FAIM2: variants seen among roughly 807,000 people sequenced by gnomAD.
FAIM2 encodes the protein protein lifeguard 2.
In FAIM2, 27 loss-of-function variants were observed where a neutral mutation model predicts 47.4. The observed-to-expected ratio is 0.57, with a 90% confidence interval of 0.42 to 0.78. The LOEUF (loss-of-function observed/expected upper bound fraction) is 0.78, where lower values mean the gene tolerates loss of function less well. Among genes scored for constraint, FAIM2 ranks in the 30% least tolerant of loss-of-function variants. The pLI is 0.00. For synonymous variants in FAIM2, 156 were observed against 159.3 expected (o/e 0.98, Z 0.16); for missense variants, 311 against 389.4 (o/e 0.80, Z 1.69).
rs944039930 is a variant in FAIM2 at position 49,868,260 on chromosome 12, G to C, written c.*2244C>G. On this transcript the variant is annotated 3_prime_UTR_variant, in exon 12 of 12. Transcript: ENST00000320634. ...AGGAGGTGGAGGAGGGTGGGAACCG[G>C]GTGAGAAAGTCAGTGGAGAGAAATG... 2 of 152,352 alleles carry C rather than the reference G, an allele frequency of 1.3e-5. No homozygotes were observed. Among genetic ancestry groups the C allele is most frequent in the African/African-American group, 4.8e-5 (2 of 41,430 alleles). The allele number at this position is 152,352 out of a possible 1,614,324, so 9.4% of individuals were successfully genotyped here. A position where few individuals can be genotyped will look rare whatever the true frequency, so the allele number is the denominator to read the frequency against.
chr12:49,880,617 T>C (rs1026468743), intron 11 of FAIM2, among the ~76,000 whole-genome samples: 13 of 80,990 alleles, frequency 1.6e-4, no homozygotes, highest in Admixed American at 4.1e-4. Flanking sequence ...CATGTGAGTG[T>C]ATGTGCATGT....
At chr12:49,890,445 C>T (rs747656795) in intron 7 of FAIM2, among the ~76,000 whole-genome samples, 1 of 152,150 alleles carries the variant, frequency 6.6e-6, no homozygotes, top group Non-Finnish European at 1.5e-5. Context: ...CAAGCAAACC[C>T]CTTAAAAAAT....
rs189354836 is a variant in FAIM2 at position 49,871,941 on chromosome 12, C to T, written c.802-1288G>A. ...TCGGCCTCTCAAAGTGCTGGGGTTACAGGCATGAGCCACCAGGCCCAGCCC... is the reference window on the plus strand; with the variant it reads ...TCGGCCTCTCAAAGTGCTGGGGTTATAGGCATGAGCCACCAGGCCCAGCCC... On this transcript the variant is annotated intron_variant, in intron 11 of 11. Coordinates refer to ENST00000320634, the MANE Select transcript of FAIM2 (RefSeq NM_012306.4). 5.9e-3 allele frequency among the ~76,000 whole-genome samples: 893 copies of T among 152,296 alleles called. 8 individuals are homozygous for T. Among genetic ancestry groups the T allele is most frequent in the Non-Finnish European group, 8.7e-3 (594 of 68,018 alleles).
Position 49,878,340 on chromosome 12 carries a change from GTGTA to G in FAIM2, c.802-7691_802-7688del, listed in dbSNP as rs1463721009. ...TATATGTGTATTTGTGTGCATGTGA[GTGTA>G]TGTGTGTGCATGTGTGTATATGTGG... On this transcript the variant is annotated intron_variant, in intron 11 of 11. Transcript: ENST00000320634. 3.8e-5 allele frequency among the ~76,000 whole-genome samples: 5 copies of G among 132,656 alleles called. 2 individuals carry two copies. The highest frequency in any genetic ancestry group is 7.9e-5 in the Non-Finnish European group (5 of 63,166). The allele number at this position is 132,656 out of a possible 152,430, so 87.0% of individuals were successfully genotyped here.
chr12:49,881,785 C>A (rs1946827533), intron 11 of FAIM2, among the ~76,000 whole-genome samples: 1 of 152,128 alleles, frequency 6.6e-6, no homozygotes, highest in Non-Finnish European at 1.5e-5. Flanking sequence ...GGGGTAAGAC[C>A]AAAAACCCAA....
At chr12:49,882,551 ATTG>A (rs1180470230) in intron 11 of FAIM2, among the ~76,000 whole-genome samples, 1 of 152,080 alleles carries the variant, frequency 6.6e-6, no homozygotes, top group Non-Finnish European at 1.5e-5. Context: ...CATGCTCTCC[ATTG>A]TTGTTTCTAT....
At chr12:49,899,696 A>G (rs1472826568) in intron 2 of FAIM2, among the ~76,000 whole-genome samples, 1 of 152,184 alleles carries the variant, frequency 6.6e-6, no homozygotes, top group Non-Finnish European at 1.5e-5. Flanking sequence ...GGGTTAGGTA[A>G]GGTGCTGAGG....
chr12:49,877,644 C>T (rs571038501), intron 11 of FAIM2, among the ~76,000 whole-genome samples: 1 of 11,160 alleles, frequency 9.0e-5, no homozygotes, highest in South Asian at 2.8e-3. Context: ...TTGGGGTAGA[C>T]GGCAGTATTT....
rs1400663479 is a variant in FAIM2, at chr12:49,903,821, G to T, written c.-29C>A. The T allele has an allele frequency of 1.3e-6, 2 of 1,533,532 alleles. No homozygotes were observed. The highest frequency in any genetic ancestry group is 2.4e-5 in the South Asian group (2 of 81,730). 95.0% of individuals were successfully genotyped at this position (1,533,532 alleles called of 1,614,324 possible). A position where few individuals can be genotyped will look rare whatever the true frequency, so the allele number is the denominator to read the frequency against. On this transcript the variant is annotated 5_prime_UTR_variant, in exon 1 of 12. Transcript: ENST00000320634. ...GCCGTCTCTCGGGGAAGGGGTCCCTGAGGCCCGGGTGGCCGCTTGGGTAAC... is the reference window on the plus strand; with the variant it reads ...GCCGTCTCTCGGGGAAGGGGTCCCTTAGGCCCGGGTGGCCGCTTGGGTAAC...
chr12:49,885,616 G>A (rs913038601), intron 11 of FAIM2, among the ~76,000 whole-genome samples: 9 of 152,192 alleles, frequency 5.9e-5, no homozygotes, highest in Non-Finnish European at 1.0e-4. Flanking sequence ...TTTCAGTGCT[G>A]AAACTGGAAA....
Position 49,901,275 on chromosome 12 carries a change from A to G in FAIM2, c.66T>C (p.His22=), listed in dbSNP as rs1399422754. Residue 22 remains histidine (H), a synonymous_variant, in exon 2 of 12, where the codon CAT becomes CAC. Transcript: ENST00000320634. Reference sequence around the variant, plus strand: ...CTGCTGGAGCCTCCTTCTTCTCGCCATGCACCTGCTGCTGCCCCTCGGTCC... The same window carrying G: ...CTGCTGGAGCCTCCTTCTTCTCGCCGTGCACCTGCTGCTGCCCCTCGGTCC... ...APGTEGQQQV[H]GEKKEAPAVP... is the part of the protein sequence containing the mutation. The G allele has an allele frequency of 6.2e-7, 1 of 1,608,038 alleles. No individual in the cohort carries two copies. The highest frequency in any genetic ancestry group is 2.3e-5 in the East Asian group (1 of 44,104).
chr12:49,870,786 G>T, intron 11 of FAIM2, 133 bp from the exon 12 acceptor site: 1 of 764,026 alleles, frequency 1.3e-6, no homozygotes, highest in Non-Finnish European at 2.1e-6. Context: ...CTACCCAGTG[G>T]CCCTCCTGTG....
intron 2 of FAIM2, 62 bp downstream of exon 2, chr12:49,901,068 T>C: frequency 7.3e-7 from 1 of 1,365,504 alleles, no homozygotes. Context: ...CCTACTCAGG[T>C]TTTCCCTCTG....
At chr12:49,883,873 C>T (rs902101056) in intron 11 of FAIM2, among the ~76,000 whole-genome samples, 3 of 151,996 alleles carry the variant, frequency 2.0e-5, no homozygotes, top group Non-Finnish European at 4.4e-5. Context: ...ACTGGGTCCC[C>T]GGATTTAGCT....
intron 1 of FAIM2, 27 bp from the exon 2 acceptor site, chr12:49,901,352 T>C (rs752476390): frequency 2.3e-5 from 34 of 1,477,602 alleles, no homozygotes; most frequent in Middle Eastern, 1.8e-4. Flanking sequence ...GAGAGAGAGA[T>C]AGTCACCAGG....
intron 1 of FAIM2, among the ~76,000 whole-genome samples, 184 bp downstream of exon 1, chr12:49,903,594 G>C (rs1946996352): frequency 1.3e-5 from 2 of 152,158 alleles, no homozygotes; most frequent in African/African-American, 4.8e-5. Context: ...CTGCGGGCAG[G>C]AAGAGGCCTC....
chr12:49,890,951 G>C, intron 6 of FAIM2, 113 bp downstream of exon 6: 1 of 1,090,664 alleles, frequency 9.2e-7, no homozygotes, highest in Non-Finnish European at 1.4e-6. Flanking sequence ...GCCCAGAGAG[G>C]GATGGGGCCC....
In FAIM2 at chr12:49,901,297, G is replaced by A; in HGVS notation, c.44C>T (p.Thr15Ile). Residue 15 changes from threonine (T) to isoleucine (I), a missense_variant, in exon 2 of 12, where the codon ACC (threonine) becomes ATC (isoleucine). Physicochemically the swap from Thr to Ile is moderately conservative, Grantham distance 89. Transcript: ENST00000320634. ...GCCATGCACCTGCTGCTGCCCCTCG[G>A]TCCCAGGGGCCTTGTTAGCCACGGA... ...KLSVANKAPGTEGQQQVHGEK... is the reference protein window; with the variant it reads ...KLSVANKAPGIEGQQQVHGEK... 1 of 1,598,254 alleles carries A rather than the reference G, an allele frequency of 6.3e-7. No individual in the cohort carries two copies. Among genetic ancestry groups the A allele is most frequent in the Non-Finnish European group, 8.5e-7 (1 of 1,174,096 alleles).
intron 11 of FAIM2, among the ~76,000 whole-genome samples, chr12:49,876,521 TG>T (rs1317946620): frequency 6.6e-6 from 1 of 152,066 alleles, no homozygotes; most frequent in East Asian, 1.9e-4. Context: ...CCCAGCACTT[TG>T]GGAGGCCGAG....
Sources: gnomAD v4.1 joint callset for allele counts (sites outside exome capture counted in the v4.1 genomes callset) on GRCh38, gnomAD v4.1.1 for gene constraint, MANE v1.5 for transcripts, NCBI Gene and HGNC (gene_info 2026-07-23, HGNC 2026-07-21) for gene names.